The following MALRD1 variants were observed in gnomAD, a reference collection of about 807,000 sequenced individuals.
MALRD1 encodes MAM and LDL-receptor class A domain-containing protein 1.
MALRD1 carries 247 observed loss-of-function variants against 242.1 expected under a neutral mutation model. The observed-to-expected ratio is 1.02, with a 90% CI of 0.92 to 1.13. MALRD1 has a LOEUF of 1.13. Ranked by LOEUF, MALRD1 falls within the 50% of genes most tolerant of loss-of-function variation. MALRD1 has a pLI of 0.00. For synonymous variants in MALRD1, 995 were observed against 866.6 expected (o/e 1.15, Z -2.60); for missense variants, 2,989 against 2,533.1 (o/e 1.18, Z -3.86).
At chr10:19,700,080 C>A (rs1255559933) in intron 38 of MALRD1, among the ~76,000 whole-genome samples, 2 of 151,054 alleles carry the variant, frequency 1.3e-5, no homozygotes, top group African/African-American at 4.9e-5. Context: ...TACACTGTCA[C>A]CATGAAGGCC....
chr10:19,571,246 G>T (rs957149163), intron 33 of MALRD1, among the ~76,000 whole-genome samples: 1 of 152,104 alleles, frequency 6.6e-6, no homozygotes, highest in African/African-American at 2.4e-5. Context: ...CTGTTCTGGA[G>T]CAAATGTTTA....
At chr10:19,143,309 G>A (rs891608879) in intron 10 of MALRD1, among the ~76,000 whole-genome samples, 1 of 152,180 alleles carries the variant, frequency 6.6e-6, no homozygotes, top group African/African-American at 2.4e-5. Context: ...AAGAGTCTGG[G>A]TGAGGGTGTG....
At chr10:19,376,831 G>A (rs1564606548) in intron 26 of MALRD1, among the ~76,000 whole-genome samples, 1 of 151,982 alleles carries the variant, frequency 6.6e-6, no homozygotes, top group East Asian at 1.9e-4. Context: ...TGACCACCTC[G>A]GCCTCCCTGA....
chr10:19,055,083 A>G (rs1834622476), intron 1 of MALRD1, among the ~76,000 whole-genome samples: 2 of 152,154 alleles, frequency 1.3e-5, no homozygotes, highest in Admixed American at 6.5e-5. Context: ...TATTTTTGAT[A>G]AAAGCCATTC....
At chr10:19,237,861 A>C (rs1474619868) in intron 18 of MALRD1, among the ~76,000 whole-genome samples, 5 of 129,970 alleles carry the variant, frequency 3.8e-5, no homozygotes, top group Non-Finnish European at 7.7e-5. Flanking sequence ...AGTTATATAT[A>C]ATTATATAGA....
intron 18 of MALRD1, 82 bp downstream of exon 18, chr10:19,209,762 T>A: frequency 1.7e-5 from 22 of 1,331,662 alleles, no homozygotes; most frequent in Non-Finnish European, 2.2e-5. Flanking sequence ...TATTCTCTAA[T>A]TAAAAGCAAG....
At chr10:19,562,302 T>G (rs1055104135) in intron 32 of MALRD1, among the ~76,000 whole-genome samples, 1 of 70,404 alleles carries the variant, frequency 1.4e-5, no homozygotes, top group African/African-American at 7.7e-5. Flanking sequence ...CTTAGGTAGA[T>G]AGATAGATAG....
intron 2 of MALRD1, among the ~76,000 whole-genome samples, chr10:19,085,908 T>C (rs980840108): frequency 1.7e-4 from 26 of 151,998 alleles, no homozygotes; most frequent in African/African-American, 6.3e-4. Flanking sequence ...CTGAATGCTA[T>C]TACCATTTGT....
chr10:19,530,390 T>A (rs1200288937), intron 31 of MALRD1, among the ~76,000 whole-genome samples: 9 of 70,388 alleles, frequency 1.3e-4, no homozygotes, highest in African/African-American at 5.2e-4. Flanking sequence ...TATTATATAT[T>A]TATATAAATA....
chr10:19,198,679 A>G (rs1836373999), intron 14 of MALRD1, among the ~76,000 whole-genome samples: 1 of 152,192 alleles, frequency 6.6e-6, no homozygotes, highest in Non-Finnish European at 1.5e-5. Context: ...TACATTGTCT[A>G]GATCTCAGGA....
chr10:19,191,870 C>T (rs1346233238), intron 14 of MALRD1, among the ~76,000 whole-genome samples: 1 of 151,918 alleles, frequency 6.6e-6, no homozygotes, highest in African/African-American at 2.4e-5. Flanking sequence ...TGGTGGTGTG[C>T]ATCTGTAATC....
chr10:19,257,578 G>T, intron 18 of MALRD1, 106 bp from the exon 19 acceptor site: 4 of 878,406 alleles, frequency 4.6e-6, no homozygotes, highest in Non-Finnish European at 6.7e-6. Context: ...GGCACAGAAG[G>T]TTATATTTGG....
Position 19,386,480 on chromosome 10 carries a change from G to C in MALRD1, c.4442-1048G>C, listed in dbSNP as rs532186122. 4.6e-5 allele frequency among the ~76,000 whole-genome samples: 7 copies of C among 152,148 alleles called. No homozygotes were observed. In the East Asian group the frequency reaches 1.4e-3, roughly 29 times the overall value. On this transcript the variant is annotated intron_variant, in intron 26 of 39. Coordinates refer to ENST00000454679, the MANE Select transcript of MALRD1 (RefSeq NM_001142308.3). ...AATGTGAAGCTGATATCCCAAGCTG[G>C]ATTTCTAAACAACTTTTTCTATTGA...
At chr10:19,563,471 C>T (rs1457082987) in intron 32 of MALRD1, among the ~76,000 whole-genome samples, 3 of 152,170 alleles carry the variant, frequency 2.0e-5, no homozygotes, top group Non-Finnish European at 4.4e-5. Context: ...AAAGAGCAGA[C>T]CCCTTTTAGA....
intron 1 of MALRD1, among the ~76,000 whole-genome samples, chr10:19,057,212 C>T (rs76796805): frequency 0.013 from 2,053 of 152,286 alleles, 16 homozygotes; most frequent in Non-Finnish European, 0.021. Context: ...TATTCAGCCA[C>T]TCTTTGTCTT....
chr10:19,724,166 T>C (rs543433315), intron 38 of MALRD1, among the ~76,000 whole-genome samples: 19 of 152,224 alleles, frequency 1.2e-4, no homozygotes, highest in South Asian at 2.1e-4. Context: ...TCCCATGAGA[T>C]GGTAATGGAA....
intron 26 of MALRD1, among the ~76,000 whole-genome samples, chr10:19,352,893 C>CATT (rs1407933035): frequency 6.6e-6 from 1 of 152,012 alleles, no homozygotes; most frequent in Non-Finnish European, 1.5e-5. Context: ...TAGCAAGCAC[C>CATT]ATTAACCCAT....
At chr10:19,476,231 C>G (rs1479814550) in intron 29 of MALRD1, among the ~76,000 whole-genome samples, 2 of 152,112 alleles carry the variant, frequency 1.3e-5, no homozygotes, top group African/African-American at 4.8e-5. Context: ...AGATGCCTGT[C>G]CACACCAAAC....
chr10:19,689,988 T>A (rs540920580), intron 36 of MALRD1, among the ~76,000 whole-genome samples: 1 of 152,240 alleles, frequency 6.6e-6, no homozygotes, highest in Admixed American at 6.5e-5. Flanking sequence ...TTAAAATTTA[T>A]AGAAGGTAAA....
Sources: allele counts gnomAD v4.1 joint callset (sites outside exome capture counted in the v4.1 genomes callset), GRCh38; gene constraint gnomAD v4.1.1; transcripts MANE v1.5; gene names NCBI Gene and HGNC (gene_info 2026-07-23, HGNC 2026-07-21).